Variants in PRR5L observed in about 807,000 individuals in gnomAD.
PRR5L encodes proline-rich protein 5-like.
In PRR5L, 21 loss-of-function variants were observed where a neutral mutation model predicts 36.4. The observed-to-expected ratio is 0.58, with a 90% CI of 0.41 to 0.83. PRR5L has a LOEUF of 0.83. Among genes scored for constraint, PRR5L ranks in the 40% least tolerant of loss-of-function variants. The pLI is 0.00. For synonymous variants in PRR5L, 188 were observed against 197.0 expected (o/e 0.95, Z 0.38); for missense variants, 381 against 473.3 (o/e 0.80, Z 1.81).
At chr11:36,365,776 C>T (rs781081053) in intron 1 of PRR5L, among the ~76,000 whole-genome samples, 11 of 152,232 alleles carry the variant, frequency 7.2e-5, no homozygotes, top group Non-Finnish European at 1.5e-4. Context: ...AGAATTGAAG[C>T]AGATGTTGAG....
chr11:36,362,353 G>A (rs1857098978), intron 1 of PRR5L, among the ~76,000 whole-genome samples: 2 of 145,004 alleles, frequency 1.4e-5, no homozygotes. Context: ...TTCCCCACTT[G>A]TCTTTAGAAA....
At chr11:36,327,482 C>T (rs1276071832) in intron 1 of PRR5L, among the ~76,000 whole-genome samples, 2 of 152,126 alleles carry the variant, frequency 1.3e-5, no homozygotes, top group Non-Finnish European at 2.9e-5. Flanking sequence ...AATTATTTTA[C>T]CCAAAATATA....
rs368036274 is a variant in PRR5L at position 36,429,650 on chromosome 11, G to A, written c.295-2203G>A. Among the ~76,000 whole-genome samples the A allele has an allele frequency of 5.8e-4, 88 of 152,264 alleles. 2 individuals carry two copies. In the South Asian group the frequency reaches 0.014, roughly 24 times the overall value. On this transcript the variant is annotated intron_variant, in intron 4 of 8. Coordinates refer to ENST00000530639, the MANE Select transcript of PRR5L (RefSeq NM_001160167.2). ...GGAAAGTTGTTTTAATAGAAGCCTG[G>A]AACATCAGTGTTGACACTAGATGTG...
At chr11:36,391,655 T>A (rs1259175507) in intron 1 of PRR5L, among the ~76,000 whole-genome samples, 3 of 152,234 alleles carry the variant, frequency 2.0e-5, no homozygotes, top group African/African-American at 7.2e-5. Flanking sequence ...TTTCTCTAAC[T>A]TGGAGACATT....
chr11:36,422,070 T>C (rs549652272), intron 4 of PRR5L, among the ~76,000 whole-genome samples: 1 of 152,350 alleles, frequency 6.6e-6, no homozygotes, highest in South Asian at 2.1e-4. Flanking sequence ...AAAAATAGTA[T>C]GCAAAGAATA....
intron 1 of PRR5L, among the ~76,000 whole-genome samples, chr11:36,356,706 C>A (rs1475709350): frequency 6.6e-6 from 1 of 152,108 alleles, no homozygotes; most frequent in Non-Finnish European, 1.5e-5. Context: ...TGTTTTGGGG[C>A]ACCACACACT....
chr11:36,414,913 T>A, intron 3 of PRR5L, among the ~76,000 whole-genome samples: 1 of 140,766 alleles, frequency 7.1e-6, no homozygotes, highest in Non-Finnish European at 1.5e-5. Context: ...GGGATCCAGT[T>A]TCAGCTTTCT....
At chr11:36,430,639 C>T (rs981552824) in intron 4 of PRR5L, among the ~76,000 whole-genome samples, 1 of 152,138 alleles carries the variant, frequency 6.6e-6, no homozygotes, top group Non-Finnish European at 1.5e-5. Context: ...ATTACTATTC[C>T]TACCACCAGT....
chr11:36,348,210 A>T (rs1856886923), intron 1 of PRR5L, among the ~76,000 whole-genome samples: 1 of 151,712 alleles, frequency 6.6e-6, no homozygotes, highest in South Asian at 2.1e-4. Context: ...TTCACCCCAT[A>T]CTCTTCTTAG....
intron 8 of PRR5L, among the ~76,000 whole-genome samples, chr11:36,455,600 G>A (rs1053369331): frequency 2.0e-5 from 3 of 152,204 alleles, no homozygotes; most frequent in Admixed American, 6.5e-5. Flanking sequence ...GGCTGGTTTG[G>A]AGCCCCAGGG....
intron 4 of PRR5L, among the ~76,000 whole-genome samples, chr11:36,422,330 TC>T (rs1349454437): frequency 6.6e-6 from 1 of 152,088 alleles, no homozygotes; most frequent in Non-Finnish European, 1.5e-5. Context: ...GAAAGTGTGT[TC>T]CTCCAGTAAA....
At chr11:36,360,322 A>G (rs1027667675) in intron 1 of PRR5L, among the ~76,000 whole-genome samples, 1 of 152,218 alleles carries the variant, frequency 6.6e-6, no homozygotes, top group African/African-American at 2.4e-5. Flanking sequence ...AGTTGCTAAC[A>G]GTATTTAATA....
At chr11:36,417,764 T>G (rs1447084890) in intron 3 of PRR5L, among the ~76,000 whole-genome samples, 1 of 152,250 alleles carries the variant, frequency 6.6e-6, no homozygotes, top group African/African-American at 2.4e-5. Flanking sequence ...TGTAACCTCC[T>G]GTTTATCCTT....
At position 36,401,286 on chromosome 11, in the gene PRR5L, G is replaced by C; in HGVS notation, c.164+1G>C. The stretch of plus-strand genomic sequence containing the variant: ...TGAGCTCCAGCTCAGCCTGGAACAG[G>C]TGAAGGAGGCTGCAGGATGTGGGGT... On this transcript the variant is annotated splice_donor_variant, in intron 2 of 8. Coordinates refer to ENST00000530639, the MANE Select transcript of PRR5L (RefSeq NM_001160167.2). LOFTEE classifies it high-confidence loss of function. 1 of 1,610,094 alleles carries C rather than the reference G, an allele frequency of 6.2e-7. No individual in the cohort carries two copies. The highest frequency in any genetic ancestry group is 8.5e-7 in the Non-Finnish European group (1 of 1,179,908).
chr11:36,437,365 A>C lies in PRR5L; in HGVS notation c.353-20A>C. ...TTCTTTTCTTTCTTCCTCCCTTCCC[A>C]TCTTCTCGCCCTCTTGTAGGTGAAA... On this transcript the variant is annotated intron_variant, in intron 5 of 8. Transcript: ENST00000530639. 1 of 1,524,178 alleles carries C rather than the reference A, an allele frequency of 6.6e-7. No homozygotes were observed. The highest frequency in any genetic ancestry group is 9.1e-7 in the Non-Finnish European group (1 of 1,098,186). 94.4% of individuals were successfully genotyped at this position (1,524,178 alleles called of 1,614,324 possible).
intron 1 of PRR5L, among the ~76,000 whole-genome samples, chr11:36,367,784 C>T (rs1857159281): frequency 6.6e-6 from 1 of 151,816 alleles, no homozygotes; most frequent in South Asian, 2.1e-4. Context: ...GTTGCCGTCT[C>T]TCTCTCAAAG....
At position 36,462,812 on chromosome 11, in the gene PRR5L, G is replaced by A; in HGVS notation, c.*76G>A. On this transcript the variant is annotated 3_prime_UTR_variant, in exon 9 of 9. Coordinates refer to ENST00000530639, the MANE Select transcript of PRR5L (RefSeq NM_001160167.2). The stretch of plus-strand genomic sequence containing the variant: ...CCCCTCCATCTCCGTGGATTACTGA[G>A]GGGGGCTCTTGCTTTATGCGATGCT... 1 of 1,369,882 alleles carries A rather than the reference G, an allele frequency of 7.3e-7. No homozygotes were observed. Among genetic ancestry groups the A allele is most frequent in the Non-Finnish European group, 9.8e-7 (1 of 1,017,432 alleles). 84.9% of individuals were successfully genotyped at this position (1,369,882 alleles called of 1,614,324 possible).
At chr11:36,443,638 A>C (rs549925840) in intron 6 of PRR5L, among the ~76,000 whole-genome samples, 27 of 152,374 alleles carry the variant, frequency 1.8e-4, no homozygotes, top group Middle Eastern at 3.4e-3. Context: ...TAAGGGCTTA[A>C]GAATTGTCGC....
chr11:36,317,683 A>C (rs567727009), intron 1 of PRR5L, among the ~76,000 whole-genome samples: 1 of 152,204 alleles, frequency 6.6e-6, no homozygotes. Flanking sequence ...CAAAATGGCT[A>C]TACCTATTTG....
Sources: gnomAD v4.1 joint callset for allele counts (sites outside exome capture counted in the v4.1 genomes callset) on GRCh38, gnomAD v4.1.1 for gene constraint, MANE v1.5 for transcripts, NCBI Gene and HGNC (gene_info 2026-07-23, HGNC 2026-07-21) for gene names.